Variants in ULK4 observed in about 807,000 individuals in gnomAD.
ULK4 encodes unc-51 like kinase 4.
ULK4 carries 133 observed loss-of-function variants against 160.6 expected under a neutral mutation model. The observed-to-expected ratio is 0.83, with a 90% CI of 0.72 to 0.96. The LOEUF is 0.96. ULK4 is among the 40% of genes least tolerant of loss of function. The probability of loss-of-function intolerance (pLI) is 0.00; values close to 1 mark genes in which losing one functional copy is unlikely to be tolerated. For synonymous variants in ULK4, 534 were observed against 539.8 expected, an observed-to-expected ratio of 0.99 and a Z score of 0.15; for missense variants, 1,580 against 1,499.5, an observed-to-expected ratio of 1.05 and a Z score of -0.89.
At chr3:41,607,657 T>C (rs1368781264) in intron 31 of ULK4, among the ~76,000 whole-genome samples, 1 of 152,212 alleles carries the variant, frequency 6.6e-6, no homozygotes. Context: ...AAAGATATCC[T>C]GTTCATTTTT....
At position 41,458,053 on chromosome 3, in the gene ULK4, G is replaced by A. The variant is rs147387400; in HGVS notation, c.3394-2458C>T. Reference sequence around the variant, plus strand: ...GAACGCCTCCAGGTTTCTGGTTTGCGTGGCAGGGTGAGTGGGGCAGGGCTT... The same window carrying A: ...GAACGCCTCCAGGTTTCTGGTTTGCATGGCAGGGTGAGTGGGGCAGGGCTT... On this transcript the variant is annotated intron_variant, in intron 33 of 36. Coordinates refer to ENST00000301831, the MANE Select transcript of ULK4 (RefSeq NM_017886.4). Among the ~76,000 whole-genome samples the A allele has an allele frequency of 5.8e-3, 884 of 152,290 alleles. 9 individuals carry two copies. The highest frequency in any genetic ancestry group is 0.019 in the African/African-American group (807 of 41,556).
At chr3:41,922,354 G>T (rs1699217553) in intron 5 of ULK4, among the ~76,000 whole-genome samples, 1 of 152,056 alleles carries the variant, frequency 6.6e-6, no homozygotes, top group Non-Finnish European at 1.5e-5. Context: ...AGGCATGGTG[G>T]TATACATCTG....
At chr3:41,710,882 G>A (rs999019694) in intron 25 of ULK4, among the ~76,000 whole-genome samples, 1 of 152,140 alleles carries the variant, frequency 6.6e-6, no homozygotes, top group East Asian at 1.9e-4. Context: ...CCCTGGCAGG[G>A]CAGGATGGTG....
intron 22 of ULK4, among the ~76,000 whole-genome samples, chr3:41,732,175 G>T (rs1440059678): frequency 6.6e-6 from 1 of 151,980 alleles, no homozygotes; most frequent in African/African-American, 2.4e-5. Context: ...GGAAACAAGG[G>T]TGAACAGACA....
chr3:41,470,804 T>C (rs2083971477), intron 32 of ULK4, among the ~76,000 whole-genome samples: 1 of 152,048 alleles, frequency 6.6e-6, no homozygotes, highest in Non-Finnish European at 1.5e-5. Context: ...TCTATGTAAG[T>C]CTCATGGTAA....
chr3:41,870,971 C>T (rs1454996865), intron 17 of ULK4, among the ~76,000 whole-genome samples: 1 of 152,136 alleles, frequency 6.6e-6, no homozygotes, highest in Non-Finnish European at 1.5e-5. Context: ...TGAGTTCTCA[C>T]AAGATCTGAT....
chr3:41,274,945 C>T (rs755257351), intron 35 of ULK4, among the ~76,000 whole-genome samples: 18 of 152,176 alleles, frequency 1.2e-4, no homozygotes, highest in Non-Finnish European at 2.4e-4. Context: ...GGATGCAGTG[C>T]ACTTTCTACT....
intron 32 of ULK4, among the ~76,000 whole-genome samples, chr3:41,487,858 T>G (rs1298289695): frequency 6.6e-6 from 1 of 152,262 alleles, no homozygotes; most frequent in Non-Finnish European, 1.5e-5. Context: ...ATATAACATG[T>G]GTAAATATCC....
intron 30 of ULK4, among the ~76,000 whole-genome samples, chr3:41,648,869 C>T (rs1206641692): frequency 6.6e-6 from 1 of 152,146 alleles, no homozygotes; most frequent in African/African-American, 2.4e-5. Context: ...CATGGTGGCT[C>T]ACACCTATAA....
At chr3:41,763,038 GC>G (rs536906149) in intron 21 of ULK4, among the ~76,000 whole-genome samples, 76 of 152,032 alleles carry the variant, frequency 5.0e-4, no homozygotes, top group African/African-American at 1.7e-3. Context: ...GGGGGAAGCC[GC>G]CCCCATGATC....
chr3:41,715,662 G>T lies in ULK4; in HGVS notation c.2456-94C>A, dbSNP rs773968335. The T allele has an allele frequency of 1.2e-4, 186 of 1,492,908 alleles. 1 individual carries two copies. The highest frequency in any genetic ancestry group is 1.6e-4 in the Non-Finnish European group (175 of 1,103,344). 92.5% of individuals were successfully genotyped at this position (1,492,908 alleles called of 1,614,324 possible). A position where few individuals can be genotyped will look rare whatever the true frequency, so the allele number is the denominator to read the frequency against. On this transcript the variant is annotated intron_variant, in intron 23 of 36. Transcript: ENST00000301831. ...GCTTGAATACCCATGGGACTTCTAA[G>T]GTAATTAATCTCCAAATAAAATAAG...
intron 22 of ULK4, among the ~76,000 whole-genome samples, chr3:41,740,580 C>T (rs2038208108): frequency 6.6e-6 from 1 of 151,854 alleles, no homozygotes; most frequent in Non-Finnish European, 1.5e-5. Context: ...CTGTCTCATG[C>T]TAGACAGATT....
At chr3:41,753,014 A>G (rs2038681895) in intron 22 of ULK4, among the ~76,000 whole-genome samples, 1 of 152,160 alleles carries the variant, frequency 6.6e-6, no homozygotes, top group Non-Finnish European at 1.5e-5. Context: ...GCAGTTCAAG[A>G]CCAGCCTGGA....
intron 34 of ULK4, among the ~76,000 whole-genome samples, chr3:41,433,034 T>C (rs938518340): frequency 2.6e-5 from 4 of 152,130 alleles, no homozygotes; most frequent in Admixed American, 6.5e-5. Flanking sequence ...ACTATCTTTA[T>C]AGTGAAAATA....
chr3:41,750,045 A>G (rs1364815415), intron 22 of ULK4, among the ~76,000 whole-genome samples: 1 of 152,222 alleles, frequency 6.6e-6, no homozygotes, highest in Non-Finnish European at 1.5e-5. Flanking sequence ...AGAACCAGCG[A>G]GCTTGGAAGA....
At chr3:41,411,397 T>C (rs1377922198) in intron 34 of ULK4, among the ~76,000 whole-genome samples, 1 of 152,048 alleles carries the variant, frequency 6.6e-6, no homozygotes, top group Non-Finnish European at 1.5e-5. Flanking sequence ...CACAACCTCT[T>C]ATCATAATCC....
chr3:41,402,562 T>G (rs2082203578), intron 34 of ULK4, among the ~76,000 whole-genome samples: 1 of 152,202 alleles, frequency 6.6e-6, no homozygotes, highest in Admixed American at 6.5e-5. Flanking sequence ...CTTTTTACCA[T>G]GAATAAGTGC....
intron 35 of ULK4, among the ~76,000 whole-genome samples, chr3:41,345,917 T>G (rs1406977900): frequency 2.6e-4 from 40 of 151,862 alleles, no homozygotes; most frequent in Non-Finnish European, 5.9e-5. Flanking sequence ...GAGCAGGAAT[T>G]TGCAGGGGGG....
intron 34 of ULK4, among the ~76,000 whole-genome samples, chr3:41,411,636 T>C (rs890991033): frequency 6.6e-6 from 1 of 152,082 alleles, no homozygotes; most frequent in African/African-American, 2.4e-5. Flanking sequence ...TTTCACCATG[T>C]TGGCTAGGCT....
Sources: allele counts gnomAD v4.1 joint callset (sites outside exome capture counted in the v4.1 genomes callset), GRCh38; gene constraint gnomAD v4.1.1; transcripts MANE v1.5; gene names NCBI Gene and HGNC (gene_info 2026-07-23, HGNC 2026-07-21).